The following ATG10 variants were observed in gnomAD, a reference collection of about 807,000 sequenced individuals.
The protein encoded by ATG10 is autophagy related 10, also known as ubiquitin-like-conjugating enzyme ATG10.
A neutral mutation model predicts 32.1 loss-of-function variants in ATG10; 30 were observed. That is an observed-to-expected ratio of 0.94 (90% CI 0.70 to 1.27). The LOEUF (loss-of-function observed/expected upper bound fraction) is 1.27. ATG10 is among the 50% of genes most tolerant of loss of function. The pLI, the probability that ATG10 is intolerant of heterozygous loss-of-function variation, is 0.00. For missense variants in ATG10, 233 were observed against 262.3 expected, an observed-to-expected ratio of 0.89 and a Z score of 0.77; for synonymous variants, 87 against 91.5, an observed-to-expected ratio of 0.95 and a Z score of 0.28.
chr5:82,112,504 C>A (rs1190191174), intron 3 of ATG10, among the ~76,000 whole-genome samples: 1 of 151,638 alleles, frequency 6.6e-6, no homozygotes, highest in Non-Finnish European at 1.5e-5. Context: ...ATACCTAAAT[C>A]TCATTTTCAA....
intron 3 of ATG10, among the ~76,000 whole-genome samples, chr5:82,136,895 G>T (rs1473110269): frequency 1.3e-5 from 2 of 152,106 alleles, no homozygotes; most frequent in African/African-American, 4.8e-5. Flanking sequence ...ATTTCTTGGA[G>T]GCTTTGTTCA....
chr5:82,032,569 T>C (rs1005289484), intron 2 of ATG10, among the ~76,000 whole-genome samples: 7 of 152,036 alleles, frequency 4.6e-5, no homozygotes, highest in African/African-American at 1.7e-4. Flanking sequence ...TGCATTCATA[T>C]ATTATTAAAA....
intron 2 of ATG10, among the ~76,000 whole-genome samples, chr5:82,049,219 T>TA (rs1763323010): frequency 6.6e-6 from 1 of 151,676 alleles, no homozygotes; most frequent in Non-Finnish European, 1.5e-5. Context: ...TATGCAGCCA[T>TA]AAAAAATGAT....
At chr5:82,126,933 CT>C in intron 3 of ATG10, among the ~76,000 whole-genome samples, 1 of 152,122 alleles carries the variant, frequency 6.6e-6, no homozygotes, top group East Asian at 1.9e-4. Context: ...GGTTGATAGG[CT>C]ATTAATTACT....
chr5:82,000,024 TC>T (rs1761804051), intron 2 of ATG10, among the ~76,000 whole-genome samples: 4 of 151,954 alleles, frequency 2.6e-5, no homozygotes. Flanking sequence ...AAATAAAACT[TC>T]CAGGCCAATA....
In ATG10 at chr5:81,987,567, T is replaced by G; in HGVS notation, c.-4T>G. 6.3e-7 allele frequency: 1 copy of G among 1,592,546 alleles called. No homozygotes were observed. Among genetic ancestry groups the G allele is most frequent in the Non-Finnish European group, 8.6e-7 (1 of 1,166,006 alleles). On this transcript the variant is annotated 5_prime_UTR_variant, in exon 2 of 8. Coordinates refer to ENST00000282185, the MANE Select transcript of ATG10 (RefSeq NM_031482.5). ...TAGTTTTTGTATTGCAGTTATCATTTAACATGGAAGAAGATGAGTTCATTG... is the reference window on the plus strand; with the variant it reads ...TAGTTTTTGTATTGCAGTTATCATTGAACATGGAAGAAGATGAGTTCATTG...
At chr5:82,165,295 G>A (rs1430534750) in intron 4 of ATG10, among the ~76,000 whole-genome samples, 1 of 152,138 alleles carries the variant, frequency 6.6e-6, no homozygotes, top group Non-Finnish European at 1.5e-5. Flanking sequence ...TTTTGTATCT[G>A]GCCTTATCAG....
intron 2 of ATG10, among the ~76,000 whole-genome samples, chr5:82,004,672 A>G (rs1292649559): frequency 6.6e-6 from 1 of 152,204 alleles, no homozygotes; most frequent in Non-Finnish European, 1.5e-5. Flanking sequence ...CATGACGAGT[A>G]TGCAGTTCAG....
intron 5 of ATG10, among the ~76,000 whole-genome samples, chr5:82,208,328 T>C (rs1745376395): frequency 6.6e-6 from 1 of 152,150 alleles, no homozygotes; most frequent in African/African-American, 2.4e-5. Flanking sequence ...CTTGTGAAAT[T>C]TCACAAAATA....
intron 2 of ATG10, among the ~76,000 whole-genome samples, chr5:82,035,086 A>G (rs1405941295): frequency 1.3e-5 from 2 of 151,812 alleles, no homozygotes; most frequent in Non-Finnish European, 2.9e-5. Context: ...CAATTTTTGC[A>G]TTTTTAGTAG....
At chr5:82,050,827 C>T (rs1446920788) in intron 2 of ATG10, among the ~76,000 whole-genome samples, 1 of 118,356 alleles carries the variant, frequency 8.4e-6, no homozygotes, top group African/African-American at 3.2e-5. Context: ...CATAGCAAGA[C>T]CCCATCTCTA....
intron 3 of ATG10, among the ~76,000 whole-genome samples, chr5:82,159,065 A>G (rs1767923119): frequency 1.3e-5 from 2 of 152,186 alleles, no homozygotes; most frequent in Admixed American, 1.3e-4. Flanking sequence ...AATTTCCAGT[A>G]TCACTACCCT....
At chr5:82,100,519 T>C (rs944289577) in intron 3 of ATG10, among the ~76,000 whole-genome samples, 3 of 152,062 alleles carry the variant, frequency 2.0e-5, no homozygotes, top group African/African-American at 7.2e-5. Flanking sequence ...CCCTGAATTC[T>C]TAGAAAGAGA....
chr5:82,241,580 T>C (rs1204692116), intron 5 of ATG10, among the ~76,000 whole-genome samples: 1 of 152,140 alleles, frequency 6.6e-6, no homozygotes, highest in South Asian at 2.1e-4. Context: ...TCTTTGAACA[T>C]TCCAAGCCCC....
At chr5:82,019,794 CAG>C (rs921330232) in intron 2 of ATG10, among the ~76,000 whole-genome samples, 3 of 152,144 alleles carry the variant, frequency 2.0e-5, no homozygotes, top group Non-Finnish European at 2.9e-5. Flanking sequence ...TCTGCCTGAG[CAG>C]AGGTACAGGG....
intron 1 of ATG10, among the ~76,000 whole-genome samples, chr5:81,983,663 G>A (rs778473269): frequency 1.4e-4 from 21 of 151,464 alleles, no homozygotes; most frequent in Non-Finnish European, 1.9e-4. Context: ...CCTCCCTCCC[G>A]GACGGGGTGG....
At chr5:82,013,385 C>A (rs553042647) in intron 2 of ATG10, among the ~76,000 whole-genome samples, 14 of 152,296 alleles carry the variant, frequency 9.2e-5, no homozygotes, top group African/African-American at 3.4e-4. Flanking sequence ...CAGCTTGCTG[C>A]AAATGCCATT....
At chr5:82,139,858 A>C (rs1196112329) in intron 3 of ATG10, among the ~76,000 whole-genome samples, 16 of 75,090 alleles carry the variant, frequency 2.1e-4, no homozygotes, top group Admixed American at 4.4e-4. Flanking sequence ...CAGCCCCCCC[A>C]CCCGGCCAGC....
intron 3 of ATG10, among the ~76,000 whole-genome samples, chr5:82,115,338 A>G (rs917027973): frequency 2.0e-5 from 3 of 152,064 alleles, no homozygotes; most frequent in South Asian, 2.1e-4. Flanking sequence ...ATGAAGTTAC[A>G]TGATACCTAG....
Sources: gnomAD v4.1 joint callset for allele counts (sites outside exome capture counted in the v4.1 genomes callset) on GRCh38, gnomAD v4.1.1 for gene constraint, MANE v1.5 for transcripts, NCBI Gene and HGNC (gene_info 2026-07-23, HGNC 2026-07-21) for gene names.